The following PCDHGA1 variants were observed in gnomAD, a reference collection of about 807,000 sequenced individuals.
PCDHGA1 encodes the protein protocadherin gamma-A1.
PCDHGA1 carries 32 observed loss-of-function variants against 58.0 expected under a neutral mutation model. The observed-to-expected ratio is 0.55, with a 90% confidence interval of 0.42 to 0.74. The LOEUF is 0.74. Ranked by LOEUF, PCDHGA1 falls within the 30% of genes least tolerant of loss-of-function variation. The pLI is 0.00. For synonymous variants in PCDHGA1, 498 were observed against 501.1 expected (o/e 0.99, Z 0.08); for missense variants, 1,205 against 1,182.3 (o/e 1.02, Z -0.28).
rs2233612 is a variant in PCDHGA1 at position 141,511,014 on chromosome 5, A to G, written c.2637A>G (p.Gly879=). 8.6e-4 allele frequency: 1,386 copies of G among 1,614,082 alleles called. 14 individuals are homozygous for G. The African/African-American group carries it at 0.017, about 20-fold the overall frequency. The change falls in exon 4 of 4, where the codon GGA becomes GGG. Residue 879 remains glycine, a synonymous_variant. Coordinates refer to ENST00000517417, the MANE Select transcript of PCDHGA1 (RefSeq NM_018912.3). ...AGTMGLSARY[G]PQFTLQHVPD... ...CCATGGGATTGAGCGCCCGCTACGG[A>G]CCCCAGTTCACCCTGCAGCACGTGC...
In PCDHGA1 at chr5:141,509,418, A is replaced by G. The variant is rs767758113; in HGVS notation, c.2570-1529A>G. Among the ~76,000 whole-genome samples the G allele has an allele frequency of 2.6e-5, 4 of 152,188 alleles. No individual in the cohort carries two copies. The South Asian group carries it at 6.2e-4, about 24-fold the overall frequency. ...TCAGGGCCTCCAGCAGCGAGCCCCA[A>G]TGAGTCAAACTCTTGTTTCCTCCTC... On this transcript the variant is annotated intron_variant, in intron 3 of 3. Transcript: ENST00000517417.
intron 1 of PCDHGA1, among the ~76,000 whole-genome samples, chr5:141,354,713 G>A (rs1759614162): frequency 6.6e-6 from 1 of 152,158 alleles, no homozygotes; most frequent in Non-Finnish European, 1.5e-5. Flanking sequence ...CTGAGAATGG[G>A]CTGTGGGGAT....
Position 141,392,773 on chromosome 5 carries a change from G to A in PCDHGA1, c.2421+59668G>A, listed in dbSNP as rs767754110. Reference sequence around the variant, plus strand: ...AAGAAACTAAATAAGACCCATTTATGCACAGTGAAGATTCTGAGAGGATTC... The same window carrying A: ...AAGAAACTAAATAAGACCCATTTATACACAGTGAAGATTCTGAGAGGATTC... On this transcript the variant is annotated intron_variant, in intron 1 of 3. Transcript: ENST00000517417. 4 of 1,518,312 alleles carry A rather than the reference G, an allele frequency of 2.6e-6. No homozygotes were observed. In the African/African-American group the frequency reaches 5.6e-5, roughly 21 times the overall value. The allele number at this position is 1,518,312 out of a possible 1,614,324, so 94.1% of individuals were successfully genotyped here.
At chr5:141,427,495 C>A in intron 1 of PCDHGA1, 2 of 562,648 alleles carry the variant, frequency 3.6e-6, no homozygotes, top group South Asian at 1.5e-5. Flanking sequence ...AAGCTTGTAA[C>A]AGATGGGACC....
rs532216579 is a variant in PCDHGA1, at chr5:141,419,369, T to G, written c.2422-75438T>G. 631 of 1,613,750 alleles carry G rather than the reference T, an allele frequency of 3.9e-4. 5 individuals carry two copies. In the East Asian group the frequency reaches 0.013, roughly 33 times the overall value. On this transcript the variant is annotated intron_variant, in intron 1 of 3. Coordinates refer to ENST00000517417, the MANE Select transcript of PCDHGA1 (RefSeq NM_018912.3). ...CCTGGAGTCACGAACGCTGTCGTCC[T>G]ACGTGTCCGTGAGCGCGCAGAGCGG...
intron 1 of PCDHGA1, among the ~76,000 whole-genome samples, chr5:141,480,916 A>C (rs991166066): frequency 6.6e-6 from 1 of 152,106 alleles, no homozygotes; most frequent in East Asian, 1.9e-4. Flanking sequence ...ATGGTGGCGC[A>C]TACCTGTAGT....
chr5:141,437,306 C>T (rs1462689998), intron 1 of PCDHGA1, among the ~76,000 whole-genome samples: 1 of 152,104 alleles, frequency 6.6e-6, no homozygotes, highest in Non-Finnish European at 1.5e-5. Flanking sequence ...CAAGTTAAAG[C>T]GTTCAGCTAT....
At chr5:141,346,449 C>A in intron 1 of PCDHGA1, 1 of 1,614,252 alleles carries the variant, frequency 6.2e-7, no homozygotes, top group Non-Finnish European at 8.5e-7. Flanking sequence ...AGATTCCAAC[C>A]TACTTCAGGT....
At chr5:141,345,274 A>G (rs1251094473) in intron 1 of PCDHGA1, 6 of 1,613,902 alleles carry the variant, frequency 3.7e-6, no homozygotes, top group African/African-American at 1.3e-5. Context: ...GACCGCGAAC[A>G]AATATCAGAA....
chr5:141,340,238 AC>A, intron 1 of PCDHGA1: 1 of 1,614,062 alleles, frequency 6.2e-7, no homozygotes. Flanking sequence ...CATCACTCTA[AC>A]CGCTAAAGAT....
intron 1 of PCDHGA1, chr5:141,375,893 C>G (rs1156930577): frequency 5.0e-6 from 8 of 1,613,804 alleles, no homozygotes; most frequent in Non-Finnish European, 5.1e-6. Flanking sequence ...GAACGCCTGG[C>G]TGTCCTACCG....
At chr5:141,478,755 A>G in intron 1 of PCDHGA1, 1 of 1,519,784 alleles carries the variant, frequency 6.6e-7, no homozygotes, top group South Asian at 1.3e-5. Flanking sequence ...TTCAGGGGGA[A>G]GATACTTGAC....
intron 1 of PCDHGA1, chr5:141,360,617 A>G (rs370246057): frequency 1.9e-6 from 3 of 1,613,924 alleles, no homozygotes; most frequent in Middle Eastern, 1.6e-4. Flanking sequence ...CTGGATTCAG[A>G]TGTTGGTCCT....
chr5:141,370,228 C>T (rs1172263446), intron 1 of PCDHGA1: 1 of 585,074 alleles, frequency 1.7e-6, no homozygotes, highest in Non-Finnish European at 2.8e-6. Flanking sequence ...CTGCAGCCAG[C>T]TCGGAAGAAA....
In PCDHGA1 at chr5:141,340,767, G is replaced by C. The variant is rs200303682; in HGVS notation, c.2421+7662G>C. Reference sequence around the variant, plus strand: ...GTGGTGGCGGTGGACAGAGACTCGGGCCAGAACGCCTGGCTGTCTTACCAC... The same window carrying C: ...GTGGTGGCGGTGGACAGAGACTCGGCCCAGAACGCCTGGCTGTCTTACCAC... On this transcript the variant is annotated intron_variant, in intron 1 of 3. Coordinates refer to ENST00000517417, the MANE Select transcript of PCDHGA1 (RefSeq NM_018912.3). 4 of 1,613,288 alleles carry C rather than the reference G, an allele frequency of 2.5e-6. No individual in the cohort carries two copies. The South Asian group carries it at 4.4e-5, about 18-fold the overall frequency.
intron 1 of PCDHGA1, chr5:141,345,902 G>T (rs756300628): frequency 2.5e-6 from 4 of 1,611,582 alleles, no homozygotes; most frequent in Admixed American, 1.7e-5. Flanking sequence ...GTCTGCACAC[G>T]GGCGAGGTGC....
rs539038497 is a variant in PCDHGA1 at position 141,420,464 on chromosome 5, C to T, written c.2422-74343C>T. 2.0e-4 allele frequency: 164 copies of T among 801,490 alleles called. 1 individual carries two copies. In the South Asian group the frequency reaches 6.4e-3, roughly 31 times the overall value. 49.6% of individuals were successfully genotyped at this position (801,490 alleles called of 1,614,324 possible). ...CCTCAGTCTTCCTACTATTCAAAGA[C>T]ATTTTAAAGCAAACTACATGGGTAA... On this transcript the variant is annotated intron_variant, in intron 1 of 3. Transcript: ENST00000517417.
At chr5:141,436,910 TGTGA>T (rs1332506247) in intron 1 of PCDHGA1, among the ~76,000 whole-genome samples, 1 of 152,228 alleles carries the variant, frequency 6.6e-6, no homozygotes, top group Non-Finnish European at 1.5e-5. Flanking sequence ...GAGACAATTT[TGTGA>T]GTGTTACTTT....
Position 141,390,510 on chromosome 5 carries a change from TAA to T in PCDHGA1, c.2421+57407_2421+57408del. The T allele has an allele frequency of 5.1e-6, 3 of 587,534 alleles. No homozygotes were observed. The South Asian group carries it at 6.4e-5, about 13-fold the overall frequency. 36.4% of individuals were successfully genotyped at this position (587,534 alleles called of 1,614,324 possible). A position where few individuals can be genotyped will look rare whatever the true frequency, so the allele number is the denominator to read the frequency against. The stretch of plus-strand genomic sequence containing the variant: ...TGTTTTTTAGCCAAGCTTAGATTTA[TAA>T]AGCAATGAGGGTGTGGTTTTAACCA... On this transcript the variant is annotated intron_variant, in intron 1 of 3. Transcript: ENST00000517417.
Sources: allele counts gnomAD v4.1 joint callset (sites outside exome capture counted in the v4.1 genomes callset), GRCh38; gene constraint gnomAD v4.1.1; transcripts MANE v1.5; gene names NCBI Gene and HGNC (gene_info 2026-07-23, HGNC 2026-07-21).